The following MCF2L2 variants were observed in gnomAD, a reference collection of about 807,000 sequenced individuals.
MCF2L2 encodes MCF.2 cell line derived transforming sequence-like 2.
MCF2L2 carries 102 observed loss-of-function variants against 150.2 expected under a neutral mutation model. That is an observed-to-expected ratio of 0.68 (90% CI 0.58 to 0.80). The LOEUF is 0.80. Among genes scored for constraint, MCF2L2 ranks in the 30% least tolerant of loss-of-function variants. MCF2L2 has a pLI of 0.00. For missense variants in MCF2L2, 1,256 were observed against 1,372.8 expected (o/e 0.91, Z 1.34); for synonymous variants, 465 against 491.3 (o/e 0.95, Z 0.71).
intron 15 of MCF2L2, among the ~76,000 whole-genome samples, chr3:183,232,550 T>C (rs956151751): frequency 8.5e-5 from 13 of 152,354 alleles, no homozygotes; most frequent in African/African-American, 2.9e-4. Context: ...TGTCCTTGTG[T>C]AGAATATATA....
At chr3:183,301,118 T>C (rs1728825777) in intron 10 of MCF2L2, among the ~76,000 whole-genome samples, 1 of 151,036 alleles carries the variant, frequency 6.6e-6, no homozygotes, top group South Asian at 2.1e-4. Context: ...TCACATTTCC[T>C]ACCTCTTTCT....
intron 15 of MCF2L2, among the ~76,000 whole-genome samples, chr3:183,249,954 C>A (rs1484536680): frequency 1.3e-5 from 2 of 152,178 alleles, no homozygotes; most frequent in Non-Finnish European, 2.9e-5. Flanking sequence ...CAGAGAAGAG[C>A]AGGGCATGGT....
At chr3:183,188,511 TCCATCCCCGCAGTG>T (rs752315214) in intron 27 of MCF2L2, among the ~76,000 whole-genome samples, 4 of 152,118 alleles carry the variant, frequency 2.6e-5, no homozygotes, top group Non-Finnish European at 5.9e-5. Flanking sequence ...GGGACAGCAC[TCCATCCCCGCAGTG>T]CCATGTCCAA....
intron 11 of MCF2L2, chr3:183,299,585 G>T (rs185849480): frequency 5.9e-6 from 1 of 169,974 alleles, no homozygotes; most frequent in East Asian, 1.9e-4. Flanking sequence ...ATGGTAGGGG[G>T]TATAAAATGG....
rs1251788828 is a variant in MCF2L2, at chr3:183,370,127, C to T, written c.275+9170G>A. On this transcript the variant is annotated intron_variant, in intron 3 of 29. Coordinates refer to ENST00000328913, the MANE Select transcript of MCF2L2 (RefSeq NM_015078.4). ...CCCCGGTGAAACCCCCTCTCCAAGC[C>T]GAAGATAGTTTAAAGCCTGAAAGCC... Among the ~76,000 whole-genome samples, 6 of 152,322 alleles carry T rather than the reference C, an allele frequency of 3.9e-5. No homozygotes were observed. In the East Asian group the frequency reaches 5.8e-4, roughly 15 times the overall value.
rs1724578170 is a variant in MCF2L2 at position 183,252,194 on chromosome 3, CAT to C, written c.1863-21179_1863-21178del. On this transcript the variant is annotated intron_variant, in intron 15 of 29. Coordinates refer to ENST00000328913, the MANE Select transcript of MCF2L2 (RefSeq NM_015078.4). ...TATTTGCACAGATATACAACATACA[CAT>C]GTGATGGCTGGGGGAAATGCATGTG... Among the ~76,000 whole-genome samples, 3 of 151,986 alleles carry C rather than the reference CAT, an allele frequency of 2.0e-5. No homozygotes were observed. The South Asian group carries it at 6.2e-4, about 32-fold the overall frequency.
At chr3:183,272,375 C>CTGTT (rs1726853335) in intron 15 of MCF2L2, 1 of 1,000,210 alleles carries the variant, frequency 1.0e-6, no homozygotes. Context: ...GCAGAGGCAC[C>CTGTT]TGTTAGGGAA....
intron 11 of MCF2L2, chr3:183,298,794 C>CACACACA (rs1728690044): frequency 1.3e-5 from 2 of 150,336 alleles, no homozygotes; most frequent in African/African-American, 2.5e-5. Flanking sequence ...CACACACACA[C>CACACACA]CAGGCTTATA....
intron 10 of MCF2L2, among the ~76,000 whole-genome samples, chr3:183,301,516 G>A (rs762497118): frequency 2.6e-5 from 4 of 152,022 alleles, no homozygotes; most frequent in African/African-American, 4.8e-5. Flanking sequence ...AGACTAGGCC[G>A]GGCTGTGGTG....
chr3:183,211,872 G>A (rs763747999), intron 22 of MCF2L2, among the ~76,000 whole-genome samples: 1 of 152,082 alleles, frequency 6.6e-6, no homozygotes, highest in Non-Finnish European at 1.5e-5. Context: ...CCCTGTACTG[G>A]GTTGAATAGT....
intron 5 of MCF2L2, among the ~76,000 whole-genome samples, chr3:183,324,673 C>T (rs1279624018): frequency 6.6e-6 from 1 of 151,808 alleles, no homozygotes; most frequent in Non-Finnish European, 1.5e-5. Context: ...TTTGAGGCTC[C>T]AATGAGCTGT....
chr3:183,427,932 G>C lies in MCF2L2; in HGVS notation c.46C>G (p.Arg16Gly), dbSNP rs772638140. The C allele has an allele frequency of 5.0e-6, 8 of 1,614,004 alleles. No individual in the cohort carries two copies. The Admixed American group carries it at 1.3e-4, about 27-fold the overall frequency. The stretch of plus-strand genomic sequence containing the variant: ...TGAGTGATCACTGTGGCCAGTCGCC[G>C]GGTGAGCTCCTGGGGAGGCATCTCT... Reference protein sequence around the residue: ...KEEMPPQELTRRLATVITHVD... With the variant: ...KEEMPPQELTGRLATVITHVD... The change falls in exon 1 of 30, where the codon CGG (arginine) becomes GGG (glycine). Residue 16 changes from arginine to glycine, a missense_variant. Coordinates refer to ENST00000328913, the MANE Select transcript of MCF2L2 (RefSeq NM_015078.4).
chr3:183,266,378 AG>A (rs1319851305), intron 15 of MCF2L2, among the ~76,000 whole-genome samples: 1 of 152,218 alleles, frequency 6.6e-6, no homozygotes, highest in Admixed American at 6.5e-5. Flanking sequence ...TTCCCTTCCC[AG>A]GGTCAATTAG....
chr3:183,277,066 A>T (rs915100994), intron 14 of MCF2L2, 109 bp from the exon 15 acceptor site: 1 of 676,990 alleles, frequency 1.5e-6, no homozygotes, highest in Non-Finnish European at 2.5e-6. Context: ...TCTCTCGATA[A>T]GCAAAATATC....
intron 27 of MCF2L2, among the ~76,000 whole-genome samples, chr3:183,186,556 G>A (rs543295384): frequency 9.9e-5 from 15 of 152,222 alleles, no homozygotes; most frequent in South Asian, 4.2e-4. Flanking sequence ...TGAAACTGCC[G>A]TCTCTACTAA....
At chr3:183,416,240 T>C (rs999471347) in intron 1 of MCF2L2, among the ~76,000 whole-genome samples, 6 of 148,652 alleles carry the variant, frequency 4.0e-5, no homozygotes, top group Non-Finnish European at 7.4e-5. Context: ...TACTATGTTA[T>C]ATAACTTTAT....
intron 1 of MCF2L2, among the ~76,000 whole-genome samples, chr3:183,401,677 G>A (rs1331406804): frequency 6.6e-6 from 1 of 152,146 alleles, no homozygotes; most frequent in Non-Finnish European, 1.5e-5. Flanking sequence ...AACATCATAT[G>A]GTGTTAATAA....
intron 18 of MCF2L2, 80 bp from the exon 19 acceptor site, chr3:183,224,270 A>C: frequency 1.1e-6 from 1 of 903,020 alleles, no homozygotes; most frequent in Non-Finnish European, 1.8e-6. Context: ...TTATTCATTC[A>C]TTCAACAAGC....
intron 10 of MCF2L2, among the ~76,000 whole-genome samples, chr3:183,301,011 T>A (rs1346437660): frequency 1.1e-5 from 1 of 88,130 alleles, no homozygotes. Context: ...CAAGACTCCA[T>A]CTCAAAAAAA....
Sources: gnomAD v4.1 joint callset for allele counts (sites outside exome capture counted in the v4.1 genomes callset) on GRCh38, gnomAD v4.1.1 for gene constraint, MANE v1.5 for transcripts, NCBI Gene and HGNC (gene_info 2026-07-23, HGNC 2026-07-21) for gene names.